WWC1: variants seen among roughly 807,000 people sequenced by gnomAD.
WWC1 encodes protein KIBRA.
In WWC1, 55 loss-of-function variants were observed where a neutral mutation model predicts 138.4. That is an observed-to-expected ratio of 0.40 (90% confidence interval 0.32 to 0.50). WWC1 has a LOEUF of 0.50. Among genes scored for constraint, WWC1 ranks in the 20% least tolerant of loss-of-function variants. WWC1 has a pLI of 0.72. For synonymous variants in WWC1, 524 were observed against 564.9 expected (o/e 0.93, Z 1.03); for missense variants, 1,226 against 1,420.4 (o/e 0.86, Z 2.20).
At chr5:168,361,164 G>C (rs1415868157) in intron 1 of WWC1, among the ~76,000 whole-genome samples, 1 of 152,168 alleles carries the variant, frequency 6.6e-6, no homozygotes, top group Non-Finnish European at 1.5e-5. Flanking sequence ...GCTCAGACCT[G>C]GGGGAAGGAA....
intron 1 of WWC1, among the ~76,000 whole-genome samples, chr5:168,294,501 C>G (rs567098443): frequency 1.3e-5 from 2 of 152,128 alleles, no homozygotes; most frequent in Non-Finnish European, 2.9e-5. Context: ...ACCTGCCCAG[C>G]CTTTGTTTTT....
intron 20 of WWC1, among the ~76,000 whole-genome samples, chr5:168,464,130 A>G (rs1757043835): frequency 6.6e-6 from 1 of 152,096 alleles, no homozygotes; most frequent in Non-Finnish European, 1.5e-5. Context: ...GAGGTCTCCA[A>G]GGGAAGGTGA....
At position 168,403,006 on chromosome 5, in the gene WWC1, T is replaced by TTTTCTTTCTTTCTTTCTTTCTTTC. The variant is rs72242963; in HGVS notation, c.591-3140_591-3117dup. Among the ~76,000 whole-genome samples the TTTTCTTTCTTTCTTTCTTTCTTTC allele has an allele frequency of 1.2e-3, 131 of 105,658 alleles. 1 individual carries two copies. The highest frequency in any genetic ancestry group is 9.8e-3 in the Middle Eastern group (2 of 204). 69.3% of individuals were successfully genotyped at this position (105,658 alleles called of 152,430 possible). A position where few individuals can be genotyped will look rare whatever the true frequency, so the allele number is the denominator to read the frequency against. On this transcript the variant is annotated intron_variant, in intron 5 of 22. Transcript: ENST00000265293. ...AGCAGCCAAAAGCTCTGTTGTTTCT[T>TTTTCTTTCTTTCTTTCTTTCTTTC]TTTCTTTCTTTCTTTCTTTCTTTCT...
At chr5:168,353,950 G>C (rs988285832) in intron 1 of WWC1, among the ~76,000 whole-genome samples, 36 of 152,212 alleles carry the variant, frequency 2.4e-4, no homozygotes, top group African/African-American at 6.5e-4. Context: ...TTTACTTCCA[G>C]CTGGGTTTAA....
chr5:168,420,341 C>T (rs935303964), intron 9 of WWC1, among the ~76,000 whole-genome samples: 4 of 152,168 alleles, frequency 2.6e-5, no homozygotes, highest in Non-Finnish European at 5.9e-5. Context: ...ATGGTCTTCC[C>T]CCGTGCCTGT....
chr5:168,303,538 G>T (rs1231717252), intron 1 of WWC1, among the ~76,000 whole-genome samples: 1 of 152,126 alleles, frequency 6.6e-6, no homozygotes, highest in African/African-American at 2.4e-5. Flanking sequence ...GATCTCAAGA[G>T]GTCAAGGCTG....
chr5:168,448,506 C>T (rs13361910), intron 17 of WWC1, among the ~76,000 whole-genome samples: 40,931 of 151,862 alleles, frequency 0.27, 6,710 homozygotes, highest in African/African-American at 0.45. Flanking sequence ...TATTTGCCTC[C>T]TTGGGAACTC....
chr5:168,406,376 A>G, intron 6 of WWC1, 49 bp downstream of exon 6: 1 of 1,608,008 alleles, frequency 6.2e-7, no homozygotes, highest in East Asian at 2.2e-5. Context: ...TCTCCTGAGT[A>G]TTCCTGTATG....
intron 3 of WWC1, among the ~76,000 whole-genome samples, chr5:168,397,465 A>G (rs570311224): frequency 6.6e-6 from 1 of 151,874 alleles, no homozygotes; most frequent in African/African-American, 2.4e-5. Flanking sequence ...TATTCTTTAC[A>G]CTTTTTTTGT....
At chr5:168,329,243 G>T (rs111551508) in intron 1 of WWC1, among the ~76,000 whole-genome samples, 1,581 of 152,272 alleles carry the variant, frequency 0.01, 23 homozygotes, top group African/African-American at 0.036. Context: ...TGATTCTTAG[G>T]ATTTAACATA....
chr5:168,361,739 T>G (rs1479701977), intron 1 of WWC1, among the ~76,000 whole-genome samples: 1 of 152,222 alleles, frequency 6.6e-6, no homozygotes, highest in African/African-American at 2.4e-5. Flanking sequence ...GTTGGGTTTC[T>G]TTTAATTTTA....
At chr5:168,354,488 T>A (rs1450287435) in intron 1 of WWC1, among the ~76,000 whole-genome samples, 5 of 152,258 alleles carry the variant, frequency 3.3e-5, no homozygotes, top group East Asian at 1.9e-4. Flanking sequence ...GGATACTTTT[T>A]AAAATATATT....
chr5:168,423,161 A>AAAAAC lies in WWC1; in HGVS notation c.1275-368_1275-367insCAAAA, dbSNP rs1781246815. On this transcript the variant is annotated intron_variant, in intron 10 of 22. Transcript: ENST00000265293. ...CTCCATCCCCCCCCAAAAAAAAAAA[A>AAAAAC]AAAAAAAAAAACACAGTGAGTTGAT... Among the ~76,000 whole-genome samples the AAAAAC allele has an allele frequency of 3.6e-5, 5 of 140,106 alleles. 1 individual carries two copies. The highest frequency in any genetic ancestry group is 3.1e-5 in the Non-Finnish European group (2 of 65,046). 91.9% of individuals were successfully genotyped at this position (140,106 alleles called of 152,430 possible). A position where few individuals can be genotyped will look rare whatever the true frequency, so the allele number is the denominator to read the frequency against.
In WWC1 at chr5:168,406,204, TAAG is replaced by T; in HGVS notation, c.600_602del (p.Lys201del). 2 of 1,613,780 alleles carry T rather than the reference TAAG, an allele frequency of 1.2e-6. No individual in the cohort carries two copies. Among genetic ancestry groups the T allele is most frequent in the East Asian group, 2.2e-5 (1 of 44,864 alleles). On this transcript the variant is annotated inframe_deletion, in exon 6 of 23. Transcript: ENST00000265293. The stretch of plus-strand genomic sequence containing the variant: ...CCCATTAACTGTCTCCTAGAATCGA[TAAG>T]AAAATGTCTGATGCTCAGGGCAGCT...
intron 11 of WWC1, among the ~76,000 whole-genome samples, chr5:168,424,675 G>T (rs575699312): frequency 1.5e-4 from 23 of 152,312 alleles, no homozygotes; most frequent in African/African-American, 4.1e-4. Flanking sequence ...ACTAGAAGGG[G>T]AGCCAGGAAG....
At chr5:168,440,197 G>T (rs1292199303) in intron 15 of WWC1, among the ~76,000 whole-genome samples, 1 of 152,166 alleles carries the variant, frequency 6.6e-6, no homozygotes, top group Non-Finnish European at 1.5e-5. Context: ...ATATGCATGT[G>T]AAAAGATGTT....
intron 9 of WWC1, chr5:168,415,694 A>G (rs1035840528): frequency 6.8e-6 from 1 of 147,606 alleles, no homozygotes; most frequent in African/African-American, 2.5e-5. Flanking sequence ...CTTTAAATCT[A>G]TTCTAGTTAT....
At chr5:168,408,846 G>T (rs1393200284) in intron 7 of WWC1, among the ~76,000 whole-genome samples, 193 bp downstream of exon 7, 1 of 152,174 alleles carries the variant, frequency 6.6e-6, no homozygotes, top group Non-Finnish European at 1.5e-5. Context: ...ATGATGTGAT[G>T]CTGTGGAGGA....
chr5:168,379,502 C>G (rs141596070), intron 2 of WWC1, among the ~76,000 whole-genome samples: 1 of 152,060 alleles, frequency 6.6e-6, no homozygotes, highest in Non-Finnish European at 1.5e-5. Flanking sequence ...TGGGTTCAAG[C>G]GATTCTCCTG....
Sources: gnomAD v4.1 joint callset for allele counts (sites outside exome capture counted in the v4.1 genomes callset) on GRCh38, gnomAD v4.1.1 for gene constraint, MANE v1.5 for transcripts, NCBI Gene and HGNC (gene_info 2026-07-23, HGNC 2026-07-21) for gene names.